Variants in TRPM3 observed in about 807,000 individuals in gnomAD.
TRPM3 encodes long transient receptor potential channel 3.
Under a neutral mutation model 181.2 loss-of-function variants are expected in TRPM3, and 77 were observed. The ratio of observed to expected loss-of-function variants is 0.42; its 90% CI spans 0.35 to 0.51. TRPM3 has a LOEUF of 0.51. Among genes scored for constraint, TRPM3 ranks in the 20% least tolerant of loss-of-function variants. The pLI, the probability that TRPM3 is intolerant of heterozygous loss-of-function variation, is 0.01. For missense variants in TRPM3, 1,759 were observed against 2,196.7 expected (o/e 0.80, Z 3.98); for synonymous variants, 745 against 796.4 (o/e 0.94, Z 1.09).
intron 1 of TRPM3, among the ~76,000 whole-genome samples, chr9:70,868,022 C>T (rs2132509793): frequency 6.6e-6 from 1 of 152,168 alleles, no homozygotes; most frequent in Middle Eastern, 3.4e-3. Flanking sequence ...TTCTAGCTGA[C>T]CCTTCAATTC....
intron 1 of TRPM3, among the ~76,000 whole-genome samples, chr9:71,350,424 C>T (rs1443532607): frequency 1.3e-5 from 2 of 152,090 alleles, no homozygotes; most frequent in African/African-American, 4.8e-5. Flanking sequence ...TTCTAAACTG[C>T]AAAAAAATCT....
chr9:70,752,045 T>TGCGC (rs1343827689), intron 8 of TRPM3, among the ~76,000 whole-genome samples: 369 of 102,494 alleles, frequency 3.6e-3, no homozygotes, highest in Non-Finnish European at 6.2e-3. Context: ...TGTGTGTGTG[T>TGCGC]GTGTGCGCGC....
chr9:70,814,800 C>T (rs2092531996), intron 6 of TRPM3, among the ~76,000 whole-genome samples: 2 of 151,958 alleles, frequency 1.3e-5, no homozygotes, highest in East Asian at 1.9e-4. Flanking sequence ...GAGAAAGGCA[C>T]CCAACTCCTA....
intron 8 of TRPM3, among the ~76,000 whole-genome samples, chr9:70,747,850 C>T (rs1001335354): frequency 6.6e-6 from 1 of 151,670 alleles, no homozygotes; most frequent in Non-Finnish European, 1.5e-5. Context: ...ATAGTCTAGG[C>T]AAGGAAGAAT....
At chr9:71,160,298 T>A (rs2076216542) in intron 1 of TRPM3, among the ~76,000 whole-genome samples, 1 of 152,120 alleles carries the variant, frequency 6.6e-6, no homozygotes, top group African/African-American at 2.4e-5. Flanking sequence ...GGACTCCCAA[T>A]CCCTTCATCT....
intron 5 of TRPM3, among the ~76,000 whole-genome samples, chr9:70,831,987 A>ATATATTTATATATATATATATT (rs2093958162): frequency 7.9e-5 from 10 of 127,142 alleles, no homozygotes; most frequent in African/African-American, 2.3e-4. Context: ...ATATATATAT[A>ATATATTTATATATATATATATT]TATATATATA....
rs374104431 is a variant in TRPM3, at chr9:71,121,168, G to A, written c.177+10C>T. ...CAATTAGCGCCATTCAAAGCTGCAA[G>A]TTACAGTACCTTCAGAAGTCTGACA... On this transcript the variant is annotated intron_variant, in intron 1 of 25. Transcript: ENST00000677713. The A allele has an allele frequency of 4.4e-6, 7 of 1,607,676 alleles. No individual in the cohort carries two copies. Among genetic ancestry groups the A allele is most frequent in the Non-Finnish European group, 1.7e-6 (2 of 1,177,662 alleles).
chr9:71,301,642 G>A lies in TRPM3; in HGVS notation c.183+145011C>T, dbSNP rs569457513. ...ATATCACCTTATTCAAACGTCAACT[G>A]CTGCTCAGATGATAAGGGGAAAGAA... On this transcript the variant is annotated intron_variant, in intron 1 of 24. Coordinates refer to the TRPM3 transcript ENST00000357533. 1.4e-4 allele frequency among the ~76,000 whole-genome samples: 21 copies of A among 152,196 alleles called. No homozygotes were observed. The East Asian group carries it at 3.7e-3, about 27-fold the overall frequency.
chr9:70,745,059 T>C (rs1044675205), intron 8 of TRPM3, among the ~76,000 whole-genome samples: 2 of 152,196 alleles, frequency 1.3e-5, no homozygotes, highest in Admixed American at 1.3e-4. Context: ...GAAAATGATC[T>C]GTGCTAAACA....
At chr9:70,831,944 C>T (rs1412772302) in intron 5 of TRPM3, among the ~76,000 whole-genome samples, 4 of 98,748 alleles carry the variant, frequency 4.1e-5, no homozygotes, top group African/African-American at 4.6e-5. Context: ...TGTATCAAAA[C>T]ATTTTATGTA....
intron 1 of TRPM3, among the ~76,000 whole-genome samples, chr9:71,297,323 G>C (rs1370943790): frequency 2.6e-5 from 4 of 152,164 alleles, no homozygotes; most frequent in Admixed American, 2.6e-4. Flanking sequence ...TGAGCCCTAA[G>C]ATGTAAGTGC....
chr9:70,986,865 C>A (rs1433639868), intron 1 of TRPM3, among the ~76,000 whole-genome samples: 1 of 151,840 alleles, frequency 6.6e-6, no homozygotes, highest in Non-Finnish European at 1.5e-5. Flanking sequence ...CAAGGAGTAT[C>A]GTTTAACCAA....
chr9:70,578,298 CAAA>C (rs56376771), intron 22 of TRPM3, among the ~76,000 whole-genome samples: 33,865 of 116,428 alleles, frequency 0.29, 4,186 homozygotes, highest in Middle Eastern at 0.37. Flanking sequence ...CTTTTGTATC[CAAA>C]AAAAAAAAAA....
chr9:70,589,844 T>C (rs2057814736), intron 22 of TRPM3, among the ~76,000 whole-genome samples: 1 of 152,338 alleles, frequency 6.6e-6, no homozygotes, highest in Admixed American at 6.5e-5. Context: ...GTGTGTTCTG[T>C]TGCCAACGTA....
At chr9:71,126,621 C>T (rs747957997), upstream of TRPM3, among the ~76,000 whole-genome samples, 1 of 152,104 alleles carries the variant, frequency 6.6e-6, no homozygotes, top group African/African-American at 2.4e-5. Context: ...CTTTTGCCAT[C>T]TTTTGTAGAT....
At position 71,260,675 on chromosome 9, in the gene TRPM3, T is replaced by C. The variant is rs192995937; in HGVS notation, c.183+185978A>G. On this transcript the variant is annotated intron_variant, in intron 1 of 24. Coordinates refer to the TRPM3 transcript ENST00000357533. ...TGGGAGTTTGCTCATTATTTGGCTCTCCGTTTGTCTATTATTGGTGTATAG... is the reference window on the plus strand; with the variant it reads ...TGGGAGTTTGCTCATTATTTGGCTCCCCGTTTGTCTATTATTGGTGTATAG... Among the ~76,000 whole-genome samples the C allele has an allele frequency of 6.7e-4, 102 of 152,330 alleles. 1 individual carries two copies. In the East Asian group the frequency reaches 0.019, roughly 28 times the overall value.
At chr9:70,594,567 G>C (rs1678815665) in intron 21 of TRPM3, among the ~76,000 whole-genome samples, 1 of 152,192 alleles carries the variant, frequency 6.6e-6, no homozygotes, top group South Asian at 2.1e-4. Flanking sequence ...GAATATGGAG[G>C]AAAGGAGTCA....
intron 1 of TRPM3, among the ~76,000 whole-genome samples, chr9:70,894,030 A>G (rs2096248698): frequency 6.6e-6 from 1 of 152,218 alleles, no homozygotes; most frequent in Admixed American, 6.5e-5. Flanking sequence ...TGGGTCACGG[A>G]TGTCCAGGAA....
At chr9:70,792,366 G>T (rs2085662704) in intron 6 of TRPM3, among the ~76,000 whole-genome samples, 1 of 151,972 alleles carries the variant, frequency 6.6e-6, no homozygotes, top group African/African-American at 2.4e-5. Context: ...CCATATGCAG[G>T]TAGAAAACAA....
Sources: allele counts gnomAD v4.1 joint callset (sites outside exome capture counted in the v4.1 genomes callset), GRCh38; gene constraint gnomAD v4.1.1; transcripts MANE v1.5; gene names NCBI Gene and HGNC (gene_info 2026-07-23, HGNC 2026-07-21).